ITFG1: variants seen among roughly 807,000 people sequenced by gnomAD.
ITFG1 encodes T-cell immunomodulatory protein.
In ITFG1, 34 loss-of-function variants were observed where a neutral mutation model predicts 81.8. That is an observed-to-expected ratio of 0.42 (90% CI 0.32 to 0.55). The LOEUF (loss-of-function observed/expected upper bound fraction) is 0.55, where lower values mean the gene tolerates loss of function less well. Among genes scored for constraint, ITFG1 ranks in the 20% least tolerant of loss-of-function variants. ITFG1 has a pLI of 0.17. For missense variants in ITFG1, 672 were observed against 755.4 expected, an observed-to-expected ratio of 0.89 and a Z score of 1.29; for synonymous variants, 285 against 270.6, an observed-to-expected ratio of 1.05 and a Z score of -0.52.
intron 10 of ITFG1, among the ~76,000 whole-genome samples, chr16:47,268,588 GT>G (rs1966304106): frequency 6.6e-6 from 1 of 152,210 alleles, no homozygotes; most frequent in African/African-American, 2.4e-5. Flanking sequence ...TAGATGCGGT[GT>G]TTTAAAACAA....
At position 47,452,800 on chromosome 16, in the gene ITFG1, A is replaced by G. The variant is rs1443867557; in HGVS notation, c.428-10T>C. 1 of 1,433,744 alleles carries G rather than the reference A, an allele frequency of 7.0e-7. No homozygotes were observed. Among genetic ancestry groups the G allele is most frequent in the Non-Finnish European group, 9.6e-7 (1 of 1,040,570 alleles). 88.8% of individuals were successfully genotyped at this position (1,433,744 alleles called of 1,614,324 possible). On this transcript the variant is annotated splice_polypyrimidine_tract_variant and intron_variant, in intron 3 of 17. Coordinates refer to ENST00000320640, the MANE Select transcript of ITFG1 (RefSeq NM_030790.5). Reference sequence around the variant, plus strand: ...GTCATATTGTTAGGATCTGCAAAAAAGATATATATATATATGAATTAGCAG... The same window carrying G: ...GTCATATTGTTAGGATCTGCAAAAAGGATATATATATATATGAATTAGCAG...
chr16:47,296,850 G>A (rs1966989741), intron 10 of ITFG1, among the ~76,000 whole-genome samples: 1 of 152,146 alleles, frequency 6.6e-6, no homozygotes, highest in Non-Finnish European at 1.5e-5. Flanking sequence ...GACTTGCTTT[G>A]TGGTAACATA....
At chr16:47,198,116 A>C (rs1965380321) in intron 14 of ITFG1, among the ~76,000 whole-genome samples, 1 of 152,252 alleles carries the variant, frequency 6.6e-6, no homozygotes, top group South Asian at 2.1e-4. Context: ...GAAAACAGCA[A>C]AATTATTCGG....
At chr16:47,446,804 A>G (rs1471792504) in intron 5 of ITFG1, among the ~76,000 whole-genome samples, 1 of 152,162 alleles carries the variant, frequency 6.6e-6, no homozygotes, top group African/African-American at 2.4e-5. Flanking sequence ...TGAAATGGTA[A>G]TAGATACTAA....
chr16:47,341,693 T>C (rs1225959653), intron 8 of ITFG1, among the ~76,000 whole-genome samples: 2 of 152,080 alleles, frequency 1.3e-5, no homozygotes, highest in East Asian at 1.9e-4. Context: ...TTTATCTAGA[T>C]TGACAAAAAG....
At chr16:47,430,038 G>T (rs1334288296) in intron 5 of ITFG1, among the ~76,000 whole-genome samples, 4 of 150,580 alleles carry the variant, frequency 2.7e-5, no homozygotes, top group Non-Finnish European at 5.9e-5. Flanking sequence ...CCTAGGCTGT[G>T]GGTTGTCTTT....
intron 8 of ITFG1, among the ~76,000 whole-genome samples, chr16:47,324,344 C>G (rs1199800582): frequency 6.6e-6 from 1 of 151,916 alleles, no homozygotes; most frequent in Non-Finnish European, 1.5e-5. Flanking sequence ...AAGCACTAAA[C>G]ATGGAAAGGA....
At chr16:47,424,013 T>C (rs1467552752) in intron 6 of ITFG1, among the ~76,000 whole-genome samples, 1 of 152,248 alleles carries the variant, frequency 6.6e-6, no homozygotes, top group African/African-American at 2.4e-5. Context: ...GATAATATCC[T>C]GAAGAGTGTT....
chr16:47,303,781 G>A (rs1338101381), intron 10 of ITFG1, among the ~76,000 whole-genome samples: 1 of 152,010 alleles, frequency 6.6e-6, no homozygotes, highest in Non-Finnish European at 1.5e-5. Context: ...CTGCCACCAT[G>A]CCTGGCTAAT....
chr16:47,449,595 G>A (rs1969364193), intron 5 of ITFG1: 1 of 152,096 alleles, frequency 6.6e-6, no homozygotes, highest in Non-Finnish European at 1.5e-5. Context: ...ACTTAGATAT[G>A]GTTAGCTACT....
At chr16:47,438,930 A>G (rs942686395) in intron 5 of ITFG1, among the ~76,000 whole-genome samples, 5 of 152,026 alleles carry the variant, frequency 3.3e-5, no homozygotes, top group Non-Finnish European at 1.5e-5. Flanking sequence ...GAAGCTCAAA[A>G]CTTTGAAAAA....
intron 10 of ITFG1, among the ~76,000 whole-genome samples, chr16:47,261,844 T>C (rs1966212212): frequency 6.6e-6 from 1 of 152,172 alleles, no homozygotes; most frequent in African/African-American, 2.4e-5. Context: ...AGTTAATTTT[T>C]GTATTTCTTG....
In ITFG1 at chr16:47,368,423, T is replaced by C. The variant is rs940633801; in HGVS notation, c.721-2554A>G. Among the ~76,000 whole-genome samples, 6 of 150,220 alleles carry C rather than the reference T, an allele frequency of 4.0e-5. No individual in the cohort carries two copies. The South Asian group carries it at 1.3e-3, about 32-fold the overall frequency. On this transcript the variant is annotated intron_variant, in intron 7 of 17. Coordinates refer to ENST00000320640, the MANE Select transcript of ITFG1 (RefSeq NM_030790.5). ...AAGAAAAATTAGCTGGGTTTGGTAG[T>C]GCACACCTGTAATCCCAGCTACTAG...
chr16:47,283,394 G>T (rs911246203), intron 10 of ITFG1, among the ~76,000 whole-genome samples: 1 of 152,118 alleles, frequency 6.6e-6, no homozygotes, highest in Non-Finnish European at 1.5e-5. Flanking sequence ...TTGGTTGAAG[G>T]TATGTGGGTT....
At chr16:47,406,036 C>G (rs531383280) in intron 6 of ITFG1, among the ~76,000 whole-genome samples, 1 of 152,278 alleles carries the variant, frequency 6.6e-6, no homozygotes, top group African/African-American at 2.4e-5. Flanking sequence ...TTTTCCATTA[C>G]TTTGTCTCTC....
At chr16:47,446,194 A>G (rs948286464) in intron 5 of ITFG1, among the ~76,000 whole-genome samples, 1 of 152,192 alleles carries the variant, frequency 6.6e-6, no homozygotes, top group Non-Finnish European at 1.5e-5. Flanking sequence ...CTCCAAAGGG[A>G]CAGATAAGCT....
chr16:47,369,831 C>T (rs1291598291), intron 7 of ITFG1, among the ~76,000 whole-genome samples: 1 of 126,424 alleles, frequency 7.9e-6, no homozygotes, highest in Non-Finnish European at 1.6e-5. Context: ...ATTCAATATC[C>T]TCTTTTTTTT....
At chr16:47,263,420 C>A (rs1966235275) in intron 10 of ITFG1, 2 of 446,974 alleles carry the variant, frequency 4.5e-6, no homozygotes, top group South Asian at 1.8e-5. Flanking sequence ...TAACCTCTAC[C>A]ATGTGCAGGA....
intron 10 of ITFG1, among the ~76,000 whole-genome samples, chr16:47,276,963 T>G (rs1966404238): frequency 6.6e-6 from 1 of 152,212 alleles, no homozygotes. Flanking sequence ...TAGATCATTA[T>G]TACCTAAATA....
Sources: allele counts gnomAD v4.1 joint callset (sites outside exome capture counted in the v4.1 genomes callset), GRCh38; gene constraint gnomAD v4.1.1; transcripts MANE v1.5; gene names NCBI Gene and HGNC (gene_info 2026-07-23, HGNC 2026-07-21).